GDPD5: variants seen among roughly 807,000 people sequenced by gnomAD.
GDPD5 encodes the protein glycerophosphodiester phosphodiesterase 2.
In GDPD5, 48 loss-of-function variants were observed where a neutral mutation model predicts 75.1. That is an observed-to-expected ratio of 0.64 (90% CI 0.51 to 0.81). The LOEUF is 0.81. Among genes scored for constraint, GDPD5 ranks in the 40% least tolerant of loss-of-function variants. The pLI is 0.00. For missense variants in GDPD5, 706 were observed against 822.6 expected, an observed-to-expected ratio of 0.86 and a Z score of 1.73; for synonymous variants, 336 against 339.0, an observed-to-expected ratio of 0.99 and a Z score of 0.10.
At chr11:75,487,369 G>A (rs1189046645) in intron 2 of GDPD5, among the ~76,000 whole-genome samples, 1 of 152,232 alleles carries the variant, frequency 6.6e-6, no homozygotes, top group African/African-American at 2.4e-5. Flanking sequence ...CTAAGTCACA[G>A]GGGCAGCTGC....
chr11:75,468,690 G>A (rs528565251), intron 3 of GDPD5, among the ~76,000 whole-genome samples: 310 of 117,874 alleles, frequency 2.6e-3, no homozygotes, highest in Non-Finnish European at 4.2e-3. Flanking sequence ...CCCCCCCCCC[G>A]GGAGGTGGAG....
intron 1 of GDPD5, among the ~76,000 whole-genome samples, chr11:75,497,555 G>A (rs1283606488): frequency 9.6e-5 from 2 of 20,814 alleles, no homozygotes; most frequent in Admixed American, 8.0e-4. Context: ...ACCCTCTCTC[G>A]GCGCCTGCAG....
At chr11:75,473,771 A>G (rs946430772) in intron 3 of GDPD5, among the ~76,000 whole-genome samples, 2 of 152,218 alleles carry the variant, frequency 1.3e-5, no homozygotes, top group African/African-American at 4.8e-5. Context: ...TCTTGTGCAC[A>G]CAGTTCCCCC....
At position 75,442,360 on chromosome 11, in the gene GDPD5, C is replaced by T. The variant is rs1470392039; in HGVS notation, c.1167+3G>A. On this transcript the variant is annotated splice_donor_region_variant and intron_variant, in intron 12 of 16. Transcript: ENST00000336898. ...GGGGCAGAGCTGCGTTGCAGGGCCT[C>T]ACCTGGTGCTGGGGGAAGCCGGAGT... is the stretch of plus-strand genomic sequence containing the variant. 1.3e-6 allele frequency: 2 copies of T among 1,549,586 alleles called. No individual in the cohort carries two copies. Among genetic ancestry groups the T allele is most frequent in the Non-Finnish European group, 1.7e-6 (2 of 1,146,736 alleles).
chr11:75,442,492 C>T lies in GDPD5; in HGVS notation c.1038G>A (p.Leu346=), dbSNP rs61737932. 911 of 1,613,960 alleles carry T rather than the reference C, an allele frequency of 5.6e-4. 8 individuals carry two copies. In the African/African-American group the frequency reaches 0.01, roughly 19 times the overall value. ...NQSICSLAEL[L]ELAKGNATLL... ...GTGTGGCATTGCCCTTGGCCAGCTC[C>T]AGGAGCTCTGCCAGGCTGCAGATGG... Residue 346 remains leucine, a synonymous_variant, in exon 12 of 17, where the codon CTG becomes CTA. Transcript: ENST00000336898.
chr11:75,473,847 C>A (rs1481148471), intron 3 of GDPD5, among the ~76,000 whole-genome samples: 3 of 152,192 alleles, frequency 2.0e-5, no homozygotes, highest in Non-Finnish European at 2.9e-5. Flanking sequence ...CTCGGGCAAG[C>A]CTTCCCTGCC....
chr11:75,456,635 T>G, intron 6 of GDPD5, 122 bp downstream of exon 6: 2 of 911,046 alleles, frequency 2.2e-6, no homozygotes, highest in Non-Finnish European at 3.5e-6. Context: ...TGCTCAGCCT[T>G]AGCTATGAGA....
chr11:75,480,827 T>A (rs1949897690), intron 2 of GDPD5, among the ~76,000 whole-genome samples: 1 of 152,208 alleles, frequency 6.6e-6, no homozygotes, highest in Admixed American at 6.5e-5. Context: ...AACAAAAATA[T>A]CTTGTGACAT....
intron 1 of GDPD5, among the ~76,000 whole-genome samples, chr11:75,498,861 A>T (rs1950257181): frequency 1.0e-5 from 1 of 99,974 alleles, no homozygotes; most frequent in Non-Finnish European, 2.3e-5. Context: ...TTGACTCAGG[A>T]GGGAGAGGTA....
At chr11:75,458,911 T>C (rs1176401110) in intron 4 of GDPD5, among the ~76,000 whole-genome samples, 2 of 152,018 alleles carry the variant, frequency 1.3e-5, no homozygotes, top group Admixed American at 1.3e-4. Context: ...GCTGGGACCA[T>C]AGGCACCCAC....
At position 75,493,229 on chromosome 11, in the gene GDPD5, T is replaced by TCACACACACACA. The variant is rs71036055; in HGVS notation, c.-144-2921_-144-2910dup. Among the ~76,000 whole-genome samples the TCACACACACACA allele has an allele frequency of 7.6e-3, 1,074 of 140,984 alleles. 16 individuals are homozygous for TCACACACACACA. Among genetic ancestry groups the TCACACACACACA allele is most frequent in the African/African-American group, 0.023 (847 of 37,486 alleles). The allele number at this position is 140,984 out of a possible 152,430, so 92.5% of individuals were successfully genotyped here. A position where few individuals can be genotyped will look rare whatever the true frequency, so the allele number is the denominator to read the frequency against. The stretch of plus-strand genomic sequence containing the variant: ...CAGGGAAAAGGGGCCCCCACACATC[T>TCACACACACACA]CACACACACACACACACACACACAC... On this transcript the variant is annotated intron_variant, in intron 1 of 16. Transcript: ENST00000336898.
intron 6 of GDPD5, 124 bp from the exon 7 acceptor site, chr11:75,450,107 G>T: frequency 1.4e-6 from 1 of 718,216 alleles, no homozygotes; most frequent in Non-Finnish European, 2.3e-6. Context: ...AGGGCAGAGG[G>T]GAGGGAGGAA....
intron 13 of GDPD5, 64 bp downstream of exon 13, chr11:75,441,582 G>A: frequency 4.2e-6 from 6 of 1,421,696 alleles, no homozygotes; most frequent in Non-Finnish European, 5.7e-6. Flanking sequence ...GGGGGTGGTG[G>A]TGGCAGGACT....
chr11:75,437,309 T>C, intron 15 of GDPD5: 1 of 501,854 alleles, frequency 2.0e-6, no homozygotes, highest in Non-Finnish European at 3.6e-6. Context: ...CTAGGGTTGG[T>C]TAGTTCTGTC....
intron 3 of GDPD5, among the ~76,000 whole-genome samples, chr11:75,470,997 C>G (rs1949649453): frequency 6.6e-6 from 1 of 152,182 alleles, no homozygotes; most frequent in Admixed American, 6.5e-5. Flanking sequence ...TCTTTGAGGT[C>G]CCAGAGCCCA....
chr11:75,500,425 T>G, intron 1 of GDPD5, among the ~76,000 whole-genome samples: 1 of 152,314 alleles, frequency 6.6e-6, no homozygotes, highest in East Asian at 1.9e-4. Flanking sequence ...CATGGGGCAC[T>G]TCTCCATCCT....
rs955679571 is a variant in GDPD5 at position 75,456,747 on chromosome 11, C to A, written c.375+10G>T. ...TGCTCTCTCCCAGCCCCGGCCGAGGCGGCCCTTACCTTGTGCAGCCAGTGC... is the reference window on the plus strand; with the variant it reads ...TGCTCTCTCCCAGCCCCGGCCGAGGAGGCCCTTACCTTGTGCAGCCAGTGC... On this transcript the variant is annotated intron_variant, in intron 6 of 16. Coordinates refer to ENST00000336898, the MANE Select transcript of GDPD5 (RefSeq NM_030792.8). 9.9e-6 allele frequency: 16 copies of A among 1,613,946 alleles called. No homozygotes were observed. In the African/African-American group the frequency reaches 1.2e-4, roughly 12 times the overall value.
Position 75,442,508 on chromosome 11 carries a change from C to A in GDPD5, c.1022G>T (p.Ser341Ile), listed in dbSNP as rs1194358064. 6.2e-7 allele frequency: 1 copy of A among 1,614,134 alleles called. No individual in the cohort carries two copies. Among genetic ancestry groups the A allele is most frequent in the South Asian group, 1.1e-5 (1 of 91,064 alleles). Residue 341 changes from serine to isoleucine, a missense_variant, in exon 12 of 17, where the codon AGC becomes ATC. Transcript: ENST00000336898. ...GGCCAGCTCCAGGAGCTCTGCCAGG[C>A]TGCAGATGGACTGGTTCTGGGCCTC... is the stretch of plus-strand genomic sequence containing the variant. ...HREAQNQSIC[S>I]LAELLELAKG...
intron 1 of GDPD5, among the ~76,000 whole-genome samples, chr11:75,496,779 C>CTTTTTTTTTTTTTTTTTTTTTTTTTTTT (rs544914858): frequency 9.7e-6 from 1 of 103,112 alleles, no homozygotes; most frequent in Admixed American, 1.3e-4. Flanking sequence ...TTCTTTCTTT[C>CTTTTTTTTTTTTTTTTTTTTTTTTTTTT]TTTTTTTTTT....
Sources: gnomAD v4.1 joint callset for allele counts (sites outside exome capture counted in the v4.1 genomes callset) on GRCh38, gnomAD v4.1.1 for gene constraint, MANE v1.5 for transcripts, NCBI Gene and HGNC (gene_info 2026-07-23, HGNC 2026-07-21) for gene names.